Variants in CXADR observed in about 807,000 individuals in gnomAD.
The protein encoded by CXADR is coxsackievirus and adenovirus receptor.
A neutral mutation model predicts 40.3 loss-of-function variants in CXADR; 20 were observed. The ratio of observed to expected loss-of-function variants is 0.50; its 90% CI spans 0.35 to 0.72. CXADR has a LOEUF of 0.72. CXADR is among the 30% of genes least tolerant of loss of function. CXADR has a pLI of 0.01. For synonymous variants in CXADR, 150 were observed against 161.3 expected (o/e 0.93, Z 0.53); for missense variants, 332 against 449.1 (o/e 0.74, Z 2.36).
intron 1 of CXADR, among the ~76,000 whole-genome samples, chr21:17,540,349 A>T (rs2060811888): frequency 6.6e-6 from 1 of 152,202 alleles, no homozygotes; most frequent in Non-Finnish European, 1.5e-5. Context: ...TATATTTATT[A>T]GTATACATTA....
chr21:17,521,083 T>C (rs76993999), intron 1 of CXADR, among the ~76,000 whole-genome samples: 1,942 of 152,168 alleles, frequency 0.013, 43 homozygotes, highest in African/African-American at 0.044. Flanking sequence ...CAGGTAGGAC[T>C]AGAAGAGAAG....
intron 1 of CXADR, among the ~76,000 whole-genome samples, chr21:17,534,071 C>T (rs211973): frequency 0.54 from 30,182 of 56,152 alleles, 6,538 homozygotes; most frequent in African/African-American, 0.55. Context: ...TATATATATA[C>T]ACACACACAC....
the CXADR span, among the ~76,000 whole-genome samples, chr21:17,626,268 T>TA: frequency 3.3e-5 from 5 of 152,338 alleles, no homozygotes; most frequent in East Asian, 1.9e-4. Context: ...ACAGGTTTTT[T>TA]AAAAAAATAA....
intron 3 of CXADR, among the ~76,000 whole-genome samples, chr21:17,555,975 A>G (rs2061029993): frequency 6.6e-6 from 1 of 152,216 alleles, no homozygotes; most frequent in African/African-American, 2.4e-5. Context: ...TGGTGCAGCC[A>G]CTAGCAGGAA....
In CXADR at chr21:17,534,100, A is replaced by ATATAT. The variant is rs1179683085; in HGVS notation, c.44-12926_44-12925insATATT. ...CACACACATATATATATATATATAT[A>ATATAT]TTTTTTTTTTTTTTTTTTTTTTTTT... is the stretch of plus-strand genomic sequence containing the variant. On this transcript the variant is annotated intron_variant, in intron 1 of 6. Coordinates refer to ENST00000284878, the MANE Select transcript of CXADR (RefSeq NM_001338.5). Among the ~76,000 whole-genome samples, 47 of 60,066 alleles carry ATATAT rather than the reference A, an allele frequency of 7.8e-4. 1 individual carries two copies. The highest frequency in any genetic ancestry group is 3.3e-3 in the African/African-American group (37 of 11,226). The allele number at this position is 60,066 out of a possible 152,430, so 39.4% of individuals were successfully genotyped here.
chr21:17,519,111 G>C, intron 1 of CXADR: 2 of 752,836 alleles, frequency 2.7e-6, no homozygotes, highest in Non-Finnish European at 4.6e-6. Context: ...ACCACCATCA[G>C]AGGAAAAATG....
At chr21:17,534,089 TA>T (rs2060718750) in intron 1 of CXADR, among the ~76,000 whole-genome samples, 1 of 39,674 alleles carries the variant, frequency 2.5e-5, no homozygotes, top group Non-Finnish European at 6.9e-5. Context: ...CACATATATA[TA>T]TATATATATA....
In CXADR at chr21:17,568,726, AT is replaced by A. The variant is rs376578468; in HGVS notation, c.*3043del. 6 of 981,728 alleles carry A rather than the reference AT, an allele frequency of 6.1e-6. No individual in the cohort carries two copies. The highest frequency in any genetic ancestry group is 2.3e-4 in the East Asian group (2 of 8,746). 60.8% of individuals were successfully genotyped at this position (981,728 alleles called of 1,614,324 possible). A position where few individuals can be genotyped will look rare whatever the true frequency, so the allele number is the denominator to read the frequency against. ...TTTGAATATGGAGTAGTTTACAGCT[AT>A]TTTTTTTTCTTACTGGTAATCTTAA... is the stretch of plus-strand genomic sequence containing the variant. On this transcript the variant is annotated 3_prime_UTR_variant, in exon 7 of 7. Coordinates refer to ENST00000284878, the MANE Select transcript of CXADR (RefSeq NM_001338.5).
intron 1 of CXADR, among the ~76,000 whole-genome samples, chr21:17,520,725 G>C (rs1446222477): frequency 1.3e-5 from 2 of 152,134 alleles, no homozygotes; most frequent in Non-Finnish European, 2.9e-5. Context: ...AAGAGAGTTG[G>C]GCTTCTGCTT....
intron 7 of CXADR, among the ~76,000 whole-genome samples, chr21:17,580,171 C>T (rs541239395): frequency 2.6e-5 from 4 of 152,082 alleles, no homozygotes; most frequent in African/African-American, 7.2e-5. Context: ...TGAAAACAGC[C>T]GTTTATTAAA....
chr21:17,559,432 T>C (rs890534242), intron 4 of CXADR, among the ~76,000 whole-genome samples: 47 of 151,018 alleles, frequency 3.1e-4, no homozygotes, highest in African/African-American at 1.1e-3. Context: ...GAGTCCTCTT[T>C]CCTTGGCCTC....
chr21:17,564,321 T>TAA (rs35399069), intron 6 of CXADR, among the ~76,000 whole-genome samples: 13 of 139,066 alleles, frequency 9.3e-5, no homozygotes, highest in East Asian at 4.1e-4. Flanking sequence ...ATGTCTCTAT[T>TAA]AAAAAAAAAA....
intron 1 of CXADR, 118 bp from the exon 2 acceptor site, chr21:17,546,909 A>G: frequency 8.2e-7 from 1 of 1,221,634 alleles, no homozygotes; most frequent in Non-Finnish European, 1.1e-6. Context: ...ATTCCTCGGG[A>G]CCCAAACCCC....
At chr21:17,634,828 A>G in the CXADR span, among the ~76,000 whole-genome samples, 1 of 152,152 alleles carries the variant, frequency 6.6e-6, no homozygotes, top group Admixed American at 6.5e-5. Flanking sequence ...CAGTCATAGT[A>G]CACTGCAACC....
chr21:17,565,800 ATAAGT>A lies in CXADR; in HGVS notation c.*112_*116del, dbSNP rs141496421. 8,242 of 1,467,592 alleles carry A rather than the reference ATAAGT, an allele frequency of 5.6e-3. 429 individuals are homozygous for A. The African/African-American group carries it at 0.11, about 19-fold the overall frequency. The allele number at this position is 1,467,592 out of a possible 1,614,324, so 90.9% of individuals were successfully genotyped here. The stretch of plus-strand genomic sequence containing the variant: ...TACTAGCCTCAAAATACATCAAAAA[ATAAGT>A]TAATCAGGAACTGTACGGAATATAT... On this transcript the variant is annotated 3_prime_UTR_variant, in exon 7 of 7. Transcript: ENST00000284878.
chr21:17,531,536 A>G (rs211971), intron 1 of CXADR, among the ~76,000 whole-genome samples: 149,632 of 152,244 alleles, frequency 0.98, 73,591 homozygotes, highest in East Asian at 1. Flanking sequence ...AGCTCATGTC[A>G]GACTTTTTCT....
rs957046981 is a variant in CXADR at position 17,568,700 on chromosome 21, C to G, written c.*3008C>G. The stretch of plus-strand genomic sequence containing the variant: ...GCCGCAGCATCCAGCCAGTTCTGTA[C>G]TTTGAATATGGAGTAGTTTACAGCT... On this transcript the variant is annotated 3_prime_UTR_variant, in exon 7 of 7. Transcript: ENST00000284878. The G allele has an allele frequency of 6.1e-6, 6 of 984,900 alleles. No homozygotes were observed. The highest frequency in any genetic ancestry group is 7.2e-6 in the Non-Finnish European group (6 of 829,876). The allele number at this position is 984,900 out of a possible 1,614,324, so 61.0% of individuals were successfully genotyped here. A position where few individuals can be genotyped will look rare whatever the true frequency, so the allele number is the denominator to read the frequency against.
At chr21:17,519,604 A>T (rs2060503597) in intron 1 of CXADR, among the ~76,000 whole-genome samples, 1 of 152,130 alleles carries the variant, frequency 6.6e-6, no homozygotes, top group Admixed American at 6.5e-5. Context: ...CACCCTGTTG[A>T]CCTGCGCTTT....
intron 7 of CXADR, among the ~76,000 whole-genome samples, chr21:17,579,324 A>G (rs2061343728): frequency 6.7e-6 from 1 of 149,744 alleles, no homozygotes; most frequent in Non-Finnish European, 1.5e-5. Flanking sequence ...TCACCCTGTC[A>G]CCCAGGCTGG....
Sources: gnomAD v4.1 joint callset for allele counts (sites outside exome capture counted in the v4.1 genomes callset) on GRCh38, gnomAD v4.1.1 for gene constraint, MANE v1.5 for transcripts, NCBI Gene and HGNC (gene_info 2026-07-23, HGNC 2026-07-21) for gene names.